ITFG1: variants seen among roughly 807,000 people sequenced by gnomAD.
ITFG1 encodes the protein integrin alpha FG-GAP repeat containing 1, also known as T-cell immunomodulatory protein.
ITFG1 carries 34 observed loss-of-function variants against 81.8 expected under a neutral mutation model. The ratio of observed to expected loss-of-function variants is 0.42; its 90% CI spans 0.32 to 0.55. The LOEUF (loss-of-function observed/expected upper bound fraction) is 0.55. Among genes scored for constraint, ITFG1 ranks in the 20% least tolerant of loss-of-function variants. The pLI is 0.17. For missense variants in ITFG1, 672 were observed against 755.4 expected (o/e 0.89, Z 1.29); for synonymous variants, 285 against 270.6 (o/e 1.05, Z -0.52).
At chr16:47,415,214 ATTC>A (rs1394981236) in intron 6 of ITFG1, among the ~76,000 whole-genome samples, 1 of 152,214 alleles carries the variant, frequency 6.6e-6, no homozygotes, top group Non-Finnish European at 1.5e-5. Flanking sequence ...GCAGATGCTT[ATTC>A]TTTAGTTATG....
chr16:47,379,757 A>C (rs1968372562), intron 6 of ITFG1, among the ~76,000 whole-genome samples: 1 of 151,568 alleles, frequency 6.6e-6, no homozygotes, highest in Non-Finnish European at 1.5e-5. Flanking sequence ...GGGTTCCTTC[A>C]CTGGGGATAA....
rs149065898 is a variant in ITFG1 at position 47,211,298 on chromosome 16, T to C, written c.1453+7570A>G. Among the ~76,000 whole-genome samples, 561 of 152,352 alleles carry C rather than the reference T, an allele frequency of 3.7e-3. 5 individuals carry two copies. The highest frequency in any genetic ancestry group is 0.013 in the African/African-American group (549 of 41,576). On this transcript the variant is annotated intron_variant, in intron 14 of 17. Transcript: ENST00000320640. ...TTTTGAGTGATTGAGAATAGAAATG[T>C]ATTTTTAATTTTGGTGTCTATGTAT...
chr16:47,348,367 G>T (rs1181683222), intron 8 of ITFG1, among the ~76,000 whole-genome samples: 2 of 152,178 alleles, frequency 1.3e-5, no homozygotes, highest in Non-Finnish European at 2.9e-5. Flanking sequence ...AGTCCTTAAA[G>T]GACCTGATGG....
intron 14 of ITFG1, among the ~76,000 whole-genome samples, chr16:47,167,334 C>A (rs1017705006): frequency 2.0e-5 from 3 of 152,168 alleles, no homozygotes; most frequent in Non-Finnish European, 4.4e-5. Context: ...CCTGAAGTAA[C>A]GGAAGAATCA....
chr16:47,214,740 A>T (rs1245155360), intron 14 of ITFG1, among the ~76,000 whole-genome samples: 1 of 152,192 alleles, frequency 6.6e-6, no homozygotes, highest in East Asian at 1.9e-4. Context: ...ATGGACTAAG[A>T]CTGCAGAGTA....
At chr16:47,430,788 A>C (rs1969085673) in intron 5 of ITFG1, among the ~76,000 whole-genome samples, 1 of 152,214 alleles carries the variant, frequency 6.6e-6, no homozygotes, top group Admixed American at 6.5e-5. Context: ...TAAACACAGA[A>C]TTACCATATG....
chr16:47,330,945 C>T (rs1967629024), intron 8 of ITFG1, among the ~76,000 whole-genome samples: 1 of 152,124 alleles, frequency 6.6e-6, no homozygotes, highest in Admixed American at 6.6e-5. Flanking sequence ...AGAGAACTAC[C>T]ATTCTACCCA....
intron 8 of ITFG1, among the ~76,000 whole-genome samples, chr16:47,348,118 G>A (rs1259402812): frequency 6.6e-6 from 1 of 152,134 alleles, no homozygotes; most frequent in Non-Finnish European, 1.5e-5. Context: ...GGAAAAAACA[G>A]AACAGAAAAA....
intron 14 of ITFG1, among the ~76,000 whole-genome samples, chr16:47,165,226 A>C (rs1964874567): frequency 6.6e-6 from 1 of 152,178 alleles, no homozygotes; most frequent in Non-Finnish European, 1.5e-5. Context: ...TTAATATATA[A>C]ATATTTTAAT....
At chr16:47,301,269 A>G (rs1175463716) in intron 10 of ITFG1, among the ~76,000 whole-genome samples, 2 of 152,164 alleles carry the variant, frequency 1.3e-5, no homozygotes, top group Non-Finnish European at 2.9e-5. Flanking sequence ...ACTAGAGAAA[A>G]TGTAAATTAA....
At chr16:47,175,831 TC>T (rs937668464) in intron 14 of ITFG1, among the ~76,000 whole-genome samples, 2 of 152,120 alleles carry the variant, frequency 1.3e-5, no homozygotes, top group Non-Finnish European at 2.9e-5. Flanking sequence ...TGACTGTAGA[TC>T]ACCACAGCCT....
chr16:47,434,784 T>C (rs549337420), intron 5 of ITFG1, among the ~76,000 whole-genome samples: 52 of 152,188 alleles, frequency 3.4e-4, no homozygotes, highest in African/African-American at 1.2e-3. Flanking sequence ...TTGTCAATGA[T>C]AGACAGGATA....
At chr16:47,329,452 C>A (rs192138311) in intron 8 of ITFG1, among the ~76,000 whole-genome samples, 14 of 152,256 alleles carry the variant, frequency 9.2e-5, no homozygotes, top group Admixed American at 7.2e-4. Flanking sequence ...AAGTTCATCA[C>A]AAGGACTTGA....
At chr16:47,257,716 T>C (rs1223397386) in intron 12 of ITFG1, among the ~76,000 whole-genome samples, 1 of 152,196 alleles carries the variant, frequency 6.6e-6, no homozygotes, top group Non-Finnish European at 1.5e-5. Flanking sequence ...TATGTACATA[T>C]GTGAATCCAT....
intron 6 of ITFG1, among the ~76,000 whole-genome samples, chr16:47,409,840 C>G (rs1263134198): frequency 1.3e-5 from 2 of 151,900 alleles, no homozygotes; most frequent in Non-Finnish European, 2.9e-5. Context: ...TTTAACAATT[C>G]TATATAGCCA....
At chr16:47,330,382 G>C (rs543199170) in intron 8 of ITFG1, among the ~76,000 whole-genome samples, 1 of 151,878 alleles carries the variant, frequency 6.6e-6, no homozygotes, top group Non-Finnish European at 1.5e-5. Flanking sequence ...CATGTCCCTA[G>C]GAAAAGAATT....
At chr16:47,343,267 G>A (rs529731597) in intron 8 of ITFG1, among the ~76,000 whole-genome samples, 39 of 152,050 alleles carry the variant, frequency 2.6e-4, no homozygotes, top group Non-Finnish European at 5.6e-4. Context: ...GTTAGAACTG[G>A]ATTTCCACAT....
At chr16:47,290,938 G>C (rs1966897674) in intron 10 of ITFG1, among the ~76,000 whole-genome samples, 1 of 152,112 alleles carries the variant, frequency 6.6e-6, no homozygotes, top group East Asian at 1.9e-4. Flanking sequence ...CAGCGACAAG[G>C]TTTAATTCTT....
At chr16:47,256,788 C>T (rs891793241) in intron 12 of ITFG1, among the ~76,000 whole-genome samples, 2 of 152,202 alleles carry the variant, frequency 1.3e-5, no homozygotes, top group Non-Finnish European at 2.9e-5. Context: ...TAAATCTCAA[C>T]ACTAATACGT....
Sources: gnomAD v4.1 joint callset for allele counts (sites outside exome capture counted in the v4.1 genomes callset) on GRCh38, gnomAD v4.1.1 for gene constraint, MANE v1.5 for transcripts, NCBI Gene and HGNC (gene_info 2026-07-23, HGNC 2026-07-21) for gene names.